Variants in ZCCHC2 observed in about 807,000 individuals in gnomAD.
ZCCHC2 encodes zinc finger CCHC domain-containing protein 2.
In ZCCHC2, 39 loss-of-function variants were observed where a neutral mutation model predicts 103.6. That is an observed-to-expected ratio of 0.38 (90% CI 0.29 to 0.49). The LOEUF is 0.49. Among genes scored for constraint, ZCCHC2 ranks in the 20% least tolerant of loss-of-function variants. ZCCHC2 has a pLI of 0.96. For synonymous variants in ZCCHC2, 687 were observed against 608.9 expected, an observed-to-expected ratio of 1.13 and a Z score of -1.89; for missense variants, 1,483 against 1,491.0, an observed-to-expected ratio of 0.99 and a Z score of 0.09.
At chr18:62,535,071 C>G (rs991917206) in intron 1 of ZCCHC2, among the ~76,000 whole-genome samples, 1 of 152,232 alleles carries the variant, frequency 6.6e-6, no homozygotes, top group Non-Finnish European at 1.5e-5. Flanking sequence ...AGCCCAGGCT[C>G]ACATCCTTCC....
intron 1 of ZCCHC2, chr18:62,524,592 C>A: frequency 1.7e-6 from 1 of 603,352 alleles, no homozygotes; most frequent in Non-Finnish European, 2.7e-6. Context: ...CCCGCCATCA[C>A]AGAATGCTCT....
chr18:62,537,539 G>C (rs1186145699), intron 1 of ZCCHC2, among the ~76,000 whole-genome samples: 3 of 152,112 alleles, frequency 2.0e-5, no homozygotes, highest in African/African-American at 7.2e-5. Flanking sequence ...TGCTGTATTT[G>C]TTCTTTTGTG....
intron 3 of ZCCHC2, among the ~76,000 whole-genome samples, chr18:62,543,100 T>C (rs906666811): frequency 2.6e-5 from 4 of 152,164 alleles, no homozygotes; most frequent in African/African-American, 7.2e-5. Flanking sequence ...GGGAATTCCT[T>C]GTCCACATCT....
At chr18:62,545,529 G>A (rs1174866944) in intron 4 of ZCCHC2, among the ~76,000 whole-genome samples, 3 of 152,098 alleles carry the variant, frequency 2.0e-5, no homozygotes, top group Non-Finnish European at 4.4e-5. Flanking sequence ...GAGGTGAAAG[G>A]TATCTTAGAT....
At chr18:62,546,306 T>G (rs1256698799) in intron 4 of ZCCHC2, among the ~76,000 whole-genome samples, 4 of 151,990 alleles carry the variant, frequency 2.6e-5, no homozygotes, top group Admixed American at 1.3e-4. Context: ...TGCACCCCAT[T>G]GGAGAAAATG....
At chr18:62,563,491 T>C (rs949138261) in intron 9 of ZCCHC2, among the ~76,000 whole-genome samples, 2 of 152,084 alleles carry the variant, frequency 1.3e-5, no homozygotes, top group Non-Finnish European at 1.5e-5. Context: ...ACCCTGTCTG[T>C]ATAAAAAATT....
chr18:62,533,835 G>A (rs1375835787), intron 1 of ZCCHC2, among the ~76,000 whole-genome samples: 2 of 134,946 alleles, frequency 1.5e-5, no homozygotes, highest in Admixed American at 1.7e-4. Context: ...TGGTGACATT[G>A]CACTCCAGCC....
chr18:62,542,771 G>A (rs189722980), intron 3 of ZCCHC2, among the ~76,000 whole-genome samples, 197 bp downstream of exon 3: 39 of 152,206 alleles, frequency 2.6e-4, no homozygotes, highest in African/African-American at 9.4e-4. Context: ...AAATAACCCT[G>A]GCTATTTTAT....
chr18:62,557,396 A>G (rs1302466679), intron 6 of ZCCHC2, among the ~76,000 whole-genome samples: 3 of 152,200 alleles, frequency 2.0e-5, no homozygotes, highest in African/African-American at 4.8e-5. Context: ...TATTTCCTCA[A>G]TTTGAGGTGT....
At chr18:62,555,256 G>A (rs1915839878) in intron 5 of ZCCHC2, among the ~76,000 whole-genome samples, 1 of 152,114 alleles carries the variant, frequency 6.6e-6, no homozygotes, top group South Asian at 2.1e-4. Context: ...CCTTTTACAG[G>A]TACCACTGTC....
intron 6 of ZCCHC2, among the ~76,000 whole-genome samples, chr18:62,558,082 A>C (rs1270129604): frequency 6.6e-6 from 1 of 151,550 alleles, no homozygotes; most frequent in East Asian, 1.9e-4. Context: ...ATCACTCCAT[A>C]TCCTGAAAAC....
chr18:62,572,293 C>T (rs1916627068), intron 12 of ZCCHC2, among the ~76,000 whole-genome samples: 1 of 152,132 alleles, frequency 6.6e-6, no homozygotes, highest in South Asian at 2.1e-4. Context: ...ATGCTTGATT[C>T]TCTAGGATAA....
intron 5 of ZCCHC2, among the ~76,000 whole-genome samples, chr18:62,553,815 G>T (rs890124964): frequency 2.0e-5 from 3 of 152,100 alleles, no homozygotes; most frequent in Admixed American, 6.6e-5. Flanking sequence ...CCTGTGAATG[G>T]CCTTTTCAGT....
At position 62,574,051 on chromosome 18, in the gene ZCCHC2, C is replaced by G; in HGVS notation, c.1976-6C>G. 6.2e-7 allele frequency: 1 copy of G among 1,609,204 alleles called. No individual in the cohort carries two copies. The highest frequency in any genetic ancestry group is 8.5e-7 in the Non-Finnish European group (1 of 1,177,352). ...GTTAATATCTCTTTATGTTTGTTTTCTTTAGACACAGACAGCAATTCTGAG... is the reference window on the plus strand; with the variant it reads ...GTTAATATCTCTTTATGTTTGTTTTGTTTAGACACAGACAGCAATTCTGAG... On this transcript the variant is annotated splice_polypyrimidine_tract_variant and splice_region_variant and intron_variant, in intron 12 of 13. Coordinates refer to ENST00000269499, the MANE Select transcript of ZCCHC2 (RefSeq NM_017742.6).
Position 62,574,163 on chromosome 18 carries a change from T to C in ZCCHC2, c.2082T>C (p.Ala694=). 2 of 1,614,056 alleles carry C rather than the reference T, an allele frequency of 1.2e-6. No individual in the cohort carries two copies. Among genetic ancestry groups the C allele is most frequent in the Middle Eastern group, 1.6e-4 (1 of 6,062 alleles). ...TVTVKPPVQI[A]SLGNENGNLL... is the part of the protein sequence containing the mutation. ...CTGTCAAGCCACCTGTTCAAATTGC[T>C]TCACTAGGAAATGAGAATGGAAACC... Residue 694 remains alanine (A), a synonymous_variant, in exon 13 of 14, where the codon GCT becomes GCC. Coordinates refer to ENST00000269499, the MANE Select transcript of ZCCHC2 (RefSeq NM_017742.6).
chr18:62,586,606 A>G (rs1917176994), exon 15 of ZCCHC2: 1 of 152,138 alleles, frequency 6.6e-6, no homozygotes, highest in Non-Finnish European at 1.5e-5. Flanking sequence ...CACCACCGAC[A>G]AGCTAAGAAT....
chr18:62,547,049 G>A (rs532034651), intron 4 of ZCCHC2, among the ~76,000 whole-genome samples: 1 of 151,872 alleles, frequency 6.6e-6, no homozygotes, highest in South Asian at 2.1e-4. Context: ...GAGCTGCCAG[G>A]TTCGGTGGCT....
At chr18:62,583,023 G>C (rs760013769), downstream of ZCCHC2, among the ~76,000 whole-genome samples, 1 of 152,158 alleles carries the variant, frequency 6.6e-6, no homozygotes, top group Non-Finnish European at 1.5e-5. Flanking sequence ...AAGATCGCTT[G>C]AGCCCAGCAG....
rs760078050 is a variant in ZCCHC2 at position 62,576,607 on chromosome 18, A to C, written c.*28A>C. On this transcript the variant is annotated 3_prime_UTR_variant, in exon 14 of 14. Transcript: ENST00000269499. ...CGAGTAAAGCTTGCCTACTTAATAC[A>C]CTCAAGTGTGGGGAGTCATGGGGTG... The C allele has an allele frequency of 1.3e-5, 21 of 1,601,462 alleles. No individual in the cohort carries two copies. The highest frequency in any genetic ancestry group is 1.8e-5 in the Non-Finnish European group (21 of 1,169,452).
Sources: gnomAD v4.1 joint callset for allele counts (sites outside exome capture counted in the v4.1 genomes callset) on GRCh38, gnomAD v4.1.1 for gene constraint, MANE v1.5 for transcripts, NCBI Gene and HGNC (gene_info 2026-07-23, HGNC 2026-07-21) for gene names.